ATP10A: variants seen among roughly 807,000 people sequenced by gnomAD.
The protein encoded by ATP10A is ATPase phospholipid transporting 10A (putative), also known as phospholipid-transporting ATPase VA.
In ATP10A, 111 loss-of-function variants were observed where a neutral mutation model predicts 147.8. The observed-to-expected ratio is 0.75, with a 90% CI of 0.64 to 0.88. ATP10A has a LOEUF of 0.88. Among genes scored for constraint, ATP10A ranks in the 40% least tolerant of loss-of-function variants. The pLI, the probability that ATP10A is intolerant of heterozygous loss-of-function variation, is 0.00. For missense variants in ATP10A, 1,927 were observed against 1,959.0 expected, an observed-to-expected ratio of 0.98 and a Z score of 0.31; for synonymous variants, 875 against 841.6, an observed-to-expected ratio of 1.04 and a Z score of -0.69.
chr15:25,674,012 A>G (rs568575289), downstream of ATP10A, among the ~76,000 whole-genome samples: 17 of 152,312 alleles, frequency 1.1e-4, no homozygotes, highest in Admixed American at 1.0e-3. Flanking sequence ...ATGGGAGACA[A>G]GGAGGTTGCG....
chr15:25,745,898 G>A (rs1032702910), intron 2 of ATP10A, among the ~76,000 whole-genome samples: 31 of 151,984 alleles, frequency 2.0e-4, no homozygotes, highest in Admixed American at 1.8e-3. Flanking sequence ...TATAATTTCC[G>A]AACCAACCAA....
intron 12 of ATP10A, 39 bp from the exon 13 acceptor site, chr15:25,702,139 CA>C (rs1281951866): frequency 1.3e-6 from 2 of 1,572,736 alleles, no homozygotes; most frequent in Non-Finnish European, 1.7e-6. Flanking sequence ...ACCCGCTTCT[CA>C]CGTGCCCCCC....
In ATP10A at chr15:25,688,332, C is replaced by A. The variant is rs2140301262; in HGVS notation, c.3166-504G>T. Among the ~76,000 whole-genome samples the A allele has an allele frequency of 1.3e-5, 2 of 152,266 alleles. 1 individual carries two copies. Among genetic ancestry groups the A allele is most frequent in the South Asian group, 4.1e-4 (2 of 4,830 alleles). ...CAGAAGCCTTGGTGATGGGCAAAGC[C>A]AGGCCCACAGCTCCACTGGCCTCCC... On this transcript the variant is annotated intron_variant, in intron 15 of 20. Coordinates refer to ENST00000555815, the MANE Select transcript of ATP10A (RefSeq NM_024490.4).
At chr15:25,853,030 C>CG (rs1893361317) in intron 1 of ATP10A, among the ~76,000 whole-genome samples, 1 of 152,158 alleles carries the variant, frequency 6.6e-6, no homozygotes, top group South Asian at 2.1e-4. Flanking sequence ...TTGTCTCTAA[C>CG]TTAAAATGAG....
chr15:25,738,641 A>T (rs1043032649), intron 2 of ATP10A: 41 of 152,330 alleles, frequency 2.7e-4, no homozygotes, highest in African/African-American at 9.6e-4. Context: ...ATTGACTGAG[A>T]AGAAATGAAA....
At chr15:25,694,739 A>T (rs1367116844) in intron 14 of ATP10A, 80 bp downstream of exon 14, 2 of 1,260,512 alleles carry the variant, frequency 1.6e-6, no homozygotes, top group Admixed American at 2.4e-5. Context: ...GTGTTTTCCC[A>T]TCTCGTGGTG....
chr15:25,829,269 C>T (rs1892251926), intron 1 of ATP10A, among the ~76,000 whole-genome samples: 1 of 152,056 alleles, frequency 6.6e-6, no homozygotes, highest in African/African-American at 2.4e-5. Flanking sequence ...GTGATGTCAC[C>T]TGTGATGATG....
At chr15:25,764,173 G>C (rs977379881) in intron 2 of ATP10A, among the ~76,000 whole-genome samples, 1 of 152,166 alleles carries the variant, frequency 6.6e-6, no homozygotes, top group African/African-American at 2.4e-5. Flanking sequence ...AAGGCACCGA[G>C]TGAGGCTGAT....
intron 17 of ATP10A, 92 bp downstream of exon 17, chr15:25,683,194 C>T: frequency 8.0e-7 from 1 of 1,251,992 alleles, no homozygotes; most frequent in Non-Finnish European, 1.1e-6. Flanking sequence ...GGGTGTCCAT[C>T]TGAAGGGAGG....
chr15:25,762,528 G>T (rs188749130), intron 2 of ATP10A, among the ~76,000 whole-genome samples: 113 of 151,690 alleles, frequency 7.4e-4, no homozygotes, highest in African/African-American at 2.5e-3. Flanking sequence ...TGATCCTCCC[G>T]TCTTGGCCTC....
intron 1 of ATP10A, among the ~76,000 whole-genome samples, chr15:25,841,330 A>G (rs1227909109): frequency 1.3e-5 from 2 of 150,932 alleles, no homozygotes; most frequent in African/African-American, 2.4e-5. Context: ...CGTTTATTGG[A>G]AAACTATATA....
intron 7 of ATP10A, among the ~76,000 whole-genome samples, chr15:25,719,672 C>A (rs1300872661): frequency 6.6e-6 from 1 of 151,596 alleles, no homozygotes; most frequent in Non-Finnish European, 1.5e-5. Flanking sequence ...TGTTGGTGTT[C>A]TGAAGCAGTT....
intron 2 of ATP10A, among the ~76,000 whole-genome samples, chr15:25,773,168 T>C (rs117810152): frequency 6.6e-6 from 1 of 152,268 alleles, no homozygotes; most frequent in East Asian, 1.9e-4. Context: ...TGCAAATGTG[T>C]TCATGGATCT....
intron 8 of ATP10A, 113 bp downstream of exon 8, chr15:25,718,069 G>T: frequency 8.6e-7 from 1 of 1,168,682 alleles, no homozygotes; most frequent in Non-Finnish European, 1.2e-6. Flanking sequence ...GAGCCAAGCC[G>T]CCCAGCGACA....
At chr15:25,680,412 G>T in intron 19 of ATP10A, 104 bp from the exon 20 acceptor site, 1 of 1,244,184 alleles carries the variant, frequency 8.0e-7, no homozygotes, top group Non-Finnish European at 1.1e-6. Context: ...GTGAGGTTCT[G>T]AGGCCTTCAG....
intron 1 of ATP10A, among the ~76,000 whole-genome samples, chr15:25,797,880 T>C (rs1350433018): frequency 1.3e-5 from 2 of 152,278 alleles, no homozygotes; most frequent in South Asian, 2.1e-4. Flanking sequence ...TCCTCGTCTA[T>C]GTCATATCCT....
intron 2 of ATP10A, among the ~76,000 whole-genome samples, chr15:25,737,816 C>T (rs772116226): frequency 4.3e-4 from 66 of 152,162 alleles, no homozygotes; most frequent in Middle Eastern, 3.4e-3. Flanking sequence ...ACATGACTGG[C>T]GGCCTTATAC....
chr15:25,753,781 TTA>T (rs577378003), intron 2 of ATP10A, among the ~76,000 whole-genome samples: 10 of 148,702 alleles, frequency 6.7e-5, no homozygotes, highest in Admixed American at 6.8e-5. Flanking sequence ...ATGATATATG[TTA>T]TATATATATA....
intron 14 of ATP10A, among the ~76,000 whole-genome samples, chr15:25,693,571 G>T (rs544412640): frequency 1.3e-5 from 2 of 152,218 alleles, no homozygotes; most frequent in East Asian, 3.9e-4. Context: ...ACGCTCAGAG[G>T]AGGAGGCTGG....
Sources: allele counts gnomAD v4.1 joint callset (sites outside exome capture counted in the v4.1 genomes callset), GRCh38; gene constraint gnomAD v4.1.1; transcripts MANE v1.5; gene names NCBI Gene and HGNC (gene_info 2026-07-23, HGNC 2026-07-21).